The following KCNMA1 variants were observed in gnomAD, a reference collection of about 807,000 sequenced individuals.
The protein encoded by KCNMA1 is potassium calcium-activated channel subfamily M alpha 1.
KCNMA1 carries 29 observed loss-of-function variants against 140.0 expected under a neutral mutation model. The observed-to-expected ratio is 0.21, with a 90% CI of 0.15 to 0.28. KCNMA1 has a LOEUF of 0.28. Ranked by LOEUF, KCNMA1 falls within the 10% of genes least tolerant of loss-of-function variation. The pLI, the probability that KCNMA1 is intolerant of heterozygous loss-of-function variation, is 1.00. For synonymous variants in KCNMA1, 612 were observed against 611.9 expected, an observed-to-expected ratio of 1.00 and a Z score of 0.00; for missense variants, 880 against 1,602.2, an observed-to-expected ratio of 0.55 and a Z score of 7.70.
intron 1 of KCNMA1, among the ~76,000 whole-genome samples, chr10:77,542,067 G>T (rs886918865): frequency 5.3e-5 from 8 of 152,148 alleles, no homozygotes; most frequent in African/African-American, 1.9e-4. Context: ...TGGGATTACT[G>T]CTCTATAAAA....
At chr10:77,475,097 T>C (rs2098248925) in intron 1 of KCNMA1, among the ~76,000 whole-genome samples, 1 of 152,216 alleles carries the variant, frequency 6.6e-6, no homozygotes, top group Admixed American at 6.5e-5. Flanking sequence ...CCAGCTGCTC[T>C]ATTTGCTAAG....
At chr10:77,494,234 C>T (rs2041010356) in intron 1 of KCNMA1, among the ~76,000 whole-genome samples, 1 of 152,188 alleles carries the variant, frequency 6.6e-6, no homozygotes, top group Non-Finnish European at 1.5e-5. Context: ...CTTAATCTGG[C>T]ATTTCGCCAA....
At chr10:77,061,503 C>A (rs368265127) in intron 14 of KCNMA1, among the ~76,000 whole-genome samples, 1 of 152,122 alleles carries the variant, frequency 6.6e-6, no homozygotes, top group East Asian at 1.9e-4. Context: ...ATTGACAATG[C>A]CAAGTGATGA....
rs1375228179 is a variant in KCNMA1 at position 77,612,354 on chromosome 10, A to C, written c.378+24911T>G. On this transcript the variant is annotated intron_variant, in intron 1 of 27. Transcript: ENST00000286628. ...TAAAAATGTGATGCATGAAACAATTATTCTTCAGAACTCAGGGGCAGGTGG... is the reference window on the plus strand; with the variant it reads ...TAAAAATGTGATGCATGAAACAATTCTTCTTCAGAACTCAGGGGCAGGTGG... 2.6e-5 allele frequency among the ~76,000 whole-genome samples: 4 copies of C among 152,196 alleles called. No individual in the cohort carries two copies. The East Asian group carries it at 7.7e-4, about 29-fold the overall frequency.
intron 1 of KCNMA1, among the ~76,000 whole-genome samples, chr10:77,559,687 T>C (rs1393590804): frequency 6.6e-6 from 1 of 152,080 alleles, no homozygotes; most frequent in African/African-American, 2.4e-5. Context: ...CTATGTGTGT[T>C]TTTGAGAGGA....
At chr10:77,127,320 T>C (rs2153975036) in intron 5 of KCNMA1, among the ~76,000 whole-genome samples, 1 of 152,200 alleles carries the variant, frequency 6.6e-6, no homozygotes, top group South Asian at 2.1e-4. Flanking sequence ...GTATCCAGCA[T>C]AGTTTGAAAG....
At chr10:77,378,556 T>A (rs2095265984) in intron 2 of KCNMA1, among the ~76,000 whole-genome samples, 2 of 152,118 alleles carry the variant, frequency 1.3e-5, no homozygotes, top group African/African-American at 4.8e-5. Context: ...GGGCTCTGGT[T>A]TGGGTGGGGT....
intron 19 of KCNMA1, chr10:76,979,405 T>C (rs2078712472): frequency 6.6e-6 from 1 of 152,236 alleles, no homozygotes; most frequent in Non-Finnish European, 1.5e-5. Flanking sequence ...AATGTTGATT[T>C]ACATTTCCAC....
At chr10:76,996,608 CAG>C (rs141376685) in intron 19 of KCNMA1, among the ~76,000 whole-genome samples, 19 of 149,780 alleles carry the variant, frequency 1.3e-4, no homozygotes, top group East Asian at 1.9e-4. Flanking sequence ...GATATTGACA[CAG>C]AGAGAGAGAG....
chr10:76,963,698 AC>A, intron 20 of KCNMA1, among the ~76,000 whole-genome samples: 1 of 152,038 alleles, frequency 6.6e-6, no homozygotes, highest in Non-Finnish European at 1.5e-5. Context: ...TGCACTAATG[AC>A]TCTCTCTTGC....
At chr10:76,879,990 G>C (rs7903765), downstream of KCNMA1, among the ~76,000 whole-genome samples, 8,826 of 152,240 alleles carry the variant, frequency 0.058, 303 homozygotes, top group South Asian at 0.16. Context: ...GCTGCCCTCG[G>C]TTTTGGCCAT....
rs1202688058 is a variant in KCNMA1 at position 77,574,255 on chromosome 10, C to CGT, written c.378+63008_378+63009dup. On this transcript the variant is annotated intron_variant, in intron 1 of 27. Coordinates refer to ENST00000286628, the MANE Select transcript of KCNMA1 (RefSeq NM_001161352.2). ...TAAGATATATATATTAATATCTATG[C>CGT]GTGTGTATATATATATATATATAAA... is the stretch of plus-strand genomic sequence containing the variant. Among the ~76,000 whole-genome samples the CGT allele has an allele frequency of 1.6e-4, 23 of 147,458 alleles. No individual in the cohort carries two copies. In the East Asian group the frequency reaches 3.6e-3, roughly 23 times the overall value.
intron 19 of KCNMA1, among the ~76,000 whole-genome samples, chr10:76,974,766 T>C (rs1011089762): frequency 6.6e-6 from 1 of 152,194 alleles, no homozygotes; most frequent in African/African-American, 2.4e-5. Context: ...CGTCTTATTG[T>C]CATCTGTATC....
intron 1 of KCNMA1, among the ~76,000 whole-genome samples, chr10:77,561,894 G>A (rs926247925): frequency 6.6e-6 from 1 of 152,212 alleles, no homozygotes; most frequent in Non-Finnish European, 1.5e-5. Flanking sequence ...AGATAAGACA[G>A]TGCTAAAGCT....
downstream of KCNMA1, chr10:76,884,505 TG>T (rs1439030058): frequency 7.4e-6 from 1 of 135,390 alleles, no homozygotes; most frequent in Non-Finnish European, 1.6e-5. Context: ...ATGGGGGGAC[TG>T]GGATTGGGGG....
chr10:77,273,028 C>A (rs918468081), intron 2 of KCNMA1, among the ~76,000 whole-genome samples: 3 of 152,132 alleles, frequency 2.0e-5, no homozygotes, highest in African/African-American at 7.2e-5. Flanking sequence ...CAGAAGTTAC[C>A]AAGATACATT....
At chr10:77,177,759 AT>A (rs1285085947) in intron 5 of KCNMA1, among the ~76,000 whole-genome samples, 1 of 152,042 alleles carries the variant, frequency 6.6e-6, no homozygotes, top group African/African-American at 2.4e-5. Flanking sequence ...TCCCACCCAC[AT>A]GAGCTCTCAC....
intron 2 of KCNMA1, among the ~76,000 whole-genome samples, chr10:77,266,753 G>A (rs934920319): frequency 6.6e-6 from 1 of 152,188 alleles, no homozygotes; most frequent in East Asian, 1.9e-4. Flanking sequence ...TTGTAGTCAT[G>A]AGTTTTCTTC....
intron 5 of KCNMA1, among the ~76,000 whole-genome samples, chr10:77,181,270 T>C (rs2098800351): frequency 6.6e-6 from 1 of 152,174 alleles, no homozygotes; most frequent in Non-Finnish European, 1.5e-5. Flanking sequence ...ACAGGGTAAT[T>C]AAGCACAGCT....
Sources: allele counts gnomAD v4.1 joint callset (sites outside exome capture counted in the v4.1 genomes callset), GRCh38; gene constraint gnomAD v4.1.1; transcripts MANE v1.5; gene names NCBI Gene and HGNC (gene_info 2026-07-23, HGNC 2026-07-21).